Variants in PBRM1 observed in about 807,000 individuals in gnomAD.
PBRM1 encodes the protein polybromo 1, also known as protein polybromo-1.
Under a neutral mutation model 194.5 loss-of-function variants are expected in PBRM1, and 27 were observed. That is an observed-to-expected ratio of 0.14 (90% CI 0.10 to 0.19). The LOEUF is 0.19. PBRM1 is among the 10% of genes least tolerant of loss of function. The pLI is 1.00. For synonymous variants in PBRM1, 655 were observed against 693.2 expected, an observed-to-expected ratio of 0.94 and a Z score of 0.87; for missense variants, 1,466 against 2,077.2, an observed-to-expected ratio of 0.71 and a Z score of 5.72.
intron 18 of PBRM1, 124 bp downstream of exon 20, chr3:52,588,946 C>A: frequency 3.0e-6 from 2 of 677,536 alleles, no homozygotes; most frequent in South Asian, 1.8e-5. Context: ...CATTTATTGA[C>A]ATATTGAACA....
At chr3:52,647,570 T>C (rs1329913271) in intron 7 of PBRM1, among the ~76,000 whole-genome samples, 1 of 146,388 alleles carries the variant, frequency 6.8e-6, no homozygotes, top group Non-Finnish European at 1.5e-5. Flanking sequence ...AAGTAGAAAC[T>C]ATCCAAATAT....
intron 18 of PBRM1, among the ~76,000 whole-genome samples, chr3:52,588,790 T>C (rs2092720458): frequency 6.6e-6 from 1 of 152,022 alleles, no homozygotes. Context: ...TTTCCTGACC[T>C]TGTGATCTGC....
chr3:52,582,315 A>G (rs1275995327), intron 20 of PBRM1, among the ~76,000 whole-genome samples: 1 of 152,104 alleles, frequency 6.6e-6, no homozygotes, highest in African/African-American at 2.4e-5. Flanking sequence ...GAGACCAAAA[A>G]AGACCAAGTA....
At chr3:52,591,986 C>A (rs2093118464) in intron 17 of PBRM1, among the ~76,000 whole-genome samples, 1 of 149,500 alleles carries the variant, frequency 6.7e-6, no homozygotes, top group African/African-American at 2.5e-5. Context: ...ACGACCATGC[C>A]CGGCTAATTT....
intron 21 of PBRM1, among the ~76,000 whole-genome samples, chr3:52,577,305 C>A (rs2089923499): frequency 6.6e-6 from 1 of 151,908 alleles, no homozygotes; most frequent in African/African-American, 2.4e-5. Context: ...GCAGTGTGCA[C>A]CTATAGTCCC....
At position 52,678,427 on chromosome 3, in the gene PBRM1, T is replaced by C. The variant is rs1000024069; in HGVS notation, c.236+73A>G. On this transcript the variant is annotated intron_variant, in intron 2 of 29. Transcript: ENST00000296302. ...CCATTCCTGCCAACAAAAAGCTCAA[T>C]TTCCAAACACTTTAATACACATGGA... 20 of 992,566 alleles carry C rather than the reference T, an allele frequency of 2.0e-5. No individual in the cohort carries two copies. In the East Asian group the frequency reaches 3.4e-4, roughly 17 times the overall value. The allele number at this position is 992,566 out of a possible 1,614,324, so 61.5% of individuals were successfully genotyped here.
Position 52,564,248 on chromosome 3 carries a change from T to C in PBRM1, c.3692-15A>G, listed in dbSNP as rs1264983037. On this transcript the variant is annotated splice_polypyrimidine_tract_variant and intron_variant, in intron 22 of 29. Coordinates refer to ENST00000296302, the Ensembl canonical transcript of PBRM1. Reference sequence around the variant, plus strand: ...AGCACACTTTCCTGAAAGAGAAAATTAGAAAGAAATTAAAGGAGTAAACTG... The same window carrying C: ...AGCACACTTTCCTGAAAGAGAAAATCAGAAAGAAATTAAAGGAGTAAACTG... The C allele has an allele frequency of 1.3e-6, 2 of 1,595,860 alleles. No individual in the cohort carries two copies. Among genetic ancestry groups the C allele is most frequent in the Non-Finnish European group, 1.7e-6 (2 of 1,164,928 alleles).
chr3:52,611,155 T>C (rs992966747), intron 15 of PBRM1, among the ~76,000 whole-genome samples: 1 of 151,918 alleles, frequency 6.6e-6, no homozygotes, highest in African/African-American at 2.4e-5. Context: ...AAAACAAAAA[T>C]CAAGCCTTTA....
intron 3 of PBRM1, among the ~76,000 whole-genome samples, chr3:52,665,837 T>C (rs1578029843): frequency 6.6e-6 from 1 of 152,036 alleles, no homozygotes; most frequent in African/African-American, 2.4e-5. Context: ...GATTCAAAAA[T>C]TGCCACAAAA....
chr3:52,617,084 G>A (rs1472101526), intron 14 of PBRM1, among the ~76,000 whole-genome samples, 178 bp downstream of exon 16: 3 of 152,110 alleles, frequency 2.0e-5, no homozygotes, highest in South Asian at 2.1e-4. Context: ...AAGTAGGAAC[G>A]TTTATCTTTA....
At chr3:52,657,957 A>G (rs1027829329) in intron 5 of PBRM1, among the ~76,000 whole-genome samples, 13 of 150,310 alleles carry the variant, frequency 8.6e-5, no homozygotes, top group Non-Finnish European at 1.5e-4. Context: ...ACACCCAGCT[A>G]ATTTTTTGTA....
chr3:52,641,694 T>TG (rs1192144276), intron 10 of PBRM1, among the ~76,000 whole-genome samples: 1 of 152,158 alleles, frequency 6.6e-6, no homozygotes, highest in Non-Finnish European at 1.5e-5. Context: ...ACTCACTATT[T>TG]ATCATTATAG....
chr3:52,648,012 G>A (rs1318918898), intron 7 of PBRM1, among the ~76,000 whole-genome samples: 2 of 151,600 alleles, frequency 1.3e-5, no homozygotes, highest in African/African-American at 2.4e-5. Flanking sequence ...GGATTCAACC[G>A]ACTCTCCTAC....
At chr3:52,590,630 T>C (rs2092933589) in intron 17 of PBRM1, among the ~76,000 whole-genome samples, 4 of 151,924 alleles carry the variant, frequency 2.6e-5, no homozygotes, top group Non-Finnish European at 5.9e-5. Flanking sequence ...TCCTGAAACA[T>C]TAAATTTTCT....
chr3:52,586,722 GT>G, intron 19 of PBRM1, 34 bp from the exon 22 acceptor site: 1 of 592,474 alleles, frequency 1.7e-6, no homozygotes, highest in Non-Finnish European at 2.5e-6. Flanking sequence ...AATAAAACTA[GT>G]TAGGTGAATT....
chr3:52,655,276 T>C (rs1179651962), intron 5 of PBRM1, among the ~76,000 whole-genome samples: 1 of 152,154 alleles, frequency 6.6e-6, no homozygotes, highest in Non-Finnish European at 1.5e-5. Context: ...TCTAACTTTA[T>C]GTCTCTAAGA....
chr3:52,632,695 T>C (rs1263023096), intron 11 of PBRM1, among the ~76,000 whole-genome samples: 1 of 151,714 alleles, frequency 6.6e-6, no homozygotes, highest in Non-Finnish European at 1.5e-5. Context: ...CCTTTTTTTT[T>C]TTTTTTTTTA....
intron 14 of PBRM1, among the ~76,000 whole-genome samples, chr3:52,615,884 C>G (rs1204489029): frequency 6.6e-6 from 1 of 152,208 alleles, no homozygotes; most frequent in East Asian, 1.9e-4. Flanking sequence ...AATTCCAAAT[C>G]TGAGTTCACA....
At chr3:52,560,199 A>G (rs963297548) in intron 25 of PBRM1, among the ~76,000 whole-genome samples, 1 of 152,102 alleles carries the variant, frequency 6.6e-6, no homozygotes, top group Non-Finnish European at 1.5e-5. Flanking sequence ...TTACCTTCAC[A>G]GTGTCTTCAG....
Sources: allele counts gnomAD v4.1 joint callset (sites outside exome capture counted in the v4.1 genomes callset), GRCh38; gene constraint gnomAD v4.1.1; transcripts MANE v1.5; gene names NCBI Gene and HGNC (gene_info 2026-07-23, HGNC 2026-07-21).